DNAJB13: variants seen among roughly 807,000 people sequenced by gnomAD.
DNAJB13 encodes DnaJ heat shock protein family (Hsp40) member B13, also known as dnaJ homolog subfamily B member 13.
A neutral mutation model predicts 35.6 loss-of-function variants in DNAJB13; 22 were observed. The observed-to-expected ratio is 0.62, with a 90% CI of 0.44 to 0.88. The LOEUF is 0.88. Ranked by LOEUF, DNAJB13 falls within the 40% of genes least tolerant of loss-of-function variation. DNAJB13 has a pLI of 0.00. For synonymous variants in DNAJB13, 136 were observed against 144.2 expected, an observed-to-expected ratio of 0.94 and a Z score of 0.41; for missense variants, 370 against 384.3, an observed-to-expected ratio of 0.96 and a Z score of 0.31.
At position 73,966,131 on chromosome 11, in the gene DNAJB13, G is replaced by T. The variant is rs1478651373; in HGVS notation, c.493-7G>T. On this transcript the variant is annotated splice_region_variant and splice_polypyrimidine_tract_variant and intron_variant, in intron 4 of 7. Coordinates refer to ENST00000339764, the MANE Select transcript of DNAJB13 (RefSeq NM_153614.4). ...CAGACCTCCCCACACCTGATATGTT[G>T]CTATAGGTGCTGAACGAGGATGGGT... 3 of 1,610,126 alleles carry T rather than the reference G, an allele frequency of 1.9e-6. No homozygotes were observed. Among genetic ancestry groups the T allele is most frequent in the African/African-American group, 1.3e-5 (1 of 74,892 alleles).
intron 1 of DNAJB13, among the ~76,000 whole-genome samples, chr11:73,957,666 A>C (rs1214716418): frequency 6.6e-6 from 1 of 152,112 alleles, no homozygotes; most frequent in Non-Finnish European, 1.5e-5. Context: ...CAGGAACAGA[A>C]GTGGGGAAAA....
chr11:73,959,735 T>C, intron 3 of DNAJB13, 80 bp downstream of exon 3: 1 of 1,334,106 alleles, frequency 7.5e-7, no homozygotes. Context: ...GTAGTTTTGT[T>C]TTTATTTTTA....
rs768988362 is a variant in DNAJB13, at chr11:73,958,289, A to ATAC, written c.69-28_69-27insTAC. On this transcript the variant is annotated intron_variant, in intron 1 of 7. Coordinates refer to ENST00000339764, the MANE Select transcript of DNAJB13 (RefSeq NM_153614.4). ...GCCCTCAGAAACAGACCAGCTGATA[A>ATAC]GACTTGTATTAATTCTCCCTCTTCC... The ATAC allele has an allele frequency of 4.3e-6, 7 of 1,609,986 alleles. No individual in the cohort carries two copies. In the East Asian group the frequency reaches 1.6e-4, roughly 36 times the overall value.
At chr11:73,964,796 TGTGTGTGTGTGTGTGTGCGC>T in intron 3 of DNAJB13, 62 bp from the exon 4 acceptor site, 2 of 1,006,322 alleles carry the variant, frequency 2.0e-6, no homozygotes, top group Non-Finnish European at 1.5e-6. Context: ...TGTGTGTGTG[TGTGTGTGTGTGTGTGTGCGC>T]GCGCGCGCAT....
chr11:73,959,717 T>C lies in DNAJB13; in HGVS notation c.334+62T>C, dbSNP rs921589985. On this transcript the variant is annotated intron_variant, in intron 3 of 7. Transcript: ENST00000339764. ...AAAGGACACTGCTATAAGTGATGTT[T>C]TCGTTGAGTAGTTTTGTTTTTATTT... 4.9e-6 allele frequency: 7 copies of C among 1,423,530 alleles called. No homozygotes were observed. The Admixed American group carries it at 7.4e-5, about 15-fold the overall frequency. 88.2% of individuals were successfully genotyped at this position (1,423,530 alleles called of 1,614,324 possible).
chr11:73,957,371 G>T (rs1193143191), intron 1 of DNAJB13, among the ~76,000 whole-genome samples: 1 of 152,174 alleles, frequency 6.6e-6, no homozygotes, highest in Non-Finnish European at 1.5e-5. Flanking sequence ...ACTGCACTCC[G>T]CTGTCCCTGG....
chr11:73,964,629 A>C, intron 3 of DNAJB13: 2 of 462,580 alleles, frequency 4.3e-6, no homozygotes, highest in Non-Finnish European at 3.9e-6. Context: ...AGCAGTGGGA[A>C]ATGGCAAAGG....
intron 5 of DNAJB13, 101 bp from the exon 6 acceptor site, chr11:73,968,244 C>T: frequency 9.8e-7 from 1 of 1,018,648 alleles, no homozygotes; most frequent in Non-Finnish European, 1.5e-6. Flanking sequence ...CTCTCATCTC[C>T]CCATTGTACA....
intron 3 of DNAJB13, among the ~76,000 whole-genome samples, chr11:73,960,714 A>T (rs1286707609): frequency 2.0e-5 from 3 of 152,218 alleles, no homozygotes; most frequent in Non-Finnish European, 4.4e-5. Flanking sequence ...CCATGCTTGT[A>T]TGAGCTGTAT....
intron 5 of DNAJB13, among the ~76,000 whole-genome samples, chr11:73,967,331 TAAAA>T: frequency 6.6e-6 from 1 of 152,182 alleles, no homozygotes; most frequent in Non-Finnish European, 1.5e-5. Flanking sequence ...ACTATTTAAA[TAAAA>T]ACATAAATTT....
intron 1 of DNAJB13, among the ~76,000 whole-genome samples, chr11:73,956,284 G>A (rs1950738977): frequency 6.6e-6 from 1 of 152,194 alleles, no homozygotes; most frequent in Non-Finnish European, 1.5e-5. Flanking sequence ...TTTGGCACCT[G>A]AGTCGAAAGT....
chr11:73,967,516 A>G (rs569760910), intron 5 of DNAJB13, among the ~76,000 whole-genome samples: 148 of 152,220 alleles, frequency 9.7e-4, no homozygotes, highest in African/African-American at 3.4e-3. Flanking sequence ...AGGCCAAGGC[A>G]GGAGAATCAC....
chr11:73,958,540 C>A, intron 2 of DNAJB13, 120 bp downstream of exon 2: 1 of 931,628 alleles, frequency 1.1e-6, no homozygotes, highest in Non-Finnish European at 1.6e-6. Context: ...TGCCTAGAAT[C>A]TAGACACACA....
intron 2 of DNAJB13, 124 bp from the exon 3 acceptor site, chr11:73,959,370 C>G: frequency 9.2e-7 from 1 of 1,086,754 alleles, no homozygotes; most frequent in Non-Finnish European, 1.3e-6. Context: ...TGCCAGACAG[C>G]AGGCACTTTG....
intron 4 of DNAJB13, chr11:73,965,771 G>T (rs1408426081): frequency 4.9e-6 from 1 of 205,806 alleles, no homozygotes; most frequent in Admixed American, 5.2e-5. Context: ...TTTGGAGAGA[G>T]GAATGGAGTA....
intron 1 of DNAJB13, among the ~76,000 whole-genome samples, chr11:73,954,111 G>A (rs759892302): frequency 1.4e-5 from 2 of 147,538 alleles, no homozygotes; most frequent in African/African-American, 2.5e-5. Flanking sequence ...GACCACTTGA[G>A]GTCAGGAGTT....
chr11:73,961,197 C>CTGAGCCCAGGAGGTTGAGGCTGCAG (rs942706183), intron 3 of DNAJB13, among the ~76,000 whole-genome samples: 5 of 152,122 alleles, frequency 3.3e-5, no homozygotes, highest in African/African-American at 1.2e-4. Flanking sequence ...GGAGAATCGC[C>CTGAGCCCAGGAGGTTGAGGCTGCAG]TGAGCCCAGG....
At position 73,968,381 on chromosome 11, in the gene DNAJB13, G is replaced by C. The variant is rs142619992; in HGVS notation, c.643G>C (p.Val215Leu). Residue 215 changes from valine (V) to leucine (L), a missense_variant, in exon 6 of 8, where the codon GTA becomes CTA. Coordinates refer to ENST00000339764, the MANE Select transcript of DNAJB13 (RefSeq NM_153614.4). The part of the protein sequence containing the change: ...NIIPADIIFI[V>L]KEKLHPRFRR... ...CATCCCAGCAGACATCATTTTCATC[G>C]TAAAGGAGAAGCTACACCCTCGCTT... The C allele has an allele frequency of 3.7e-6, 6 of 1,614,110 alleles. No individual in the cohort carries two copies. Among genetic ancestry groups the C allele is most frequent in the Non-Finnish European group, 5.1e-6 (6 of 1,180,024 alleles).
At chr11:73,960,783 T>C (rs1950912601) in intron 3 of DNAJB13, among the ~76,000 whole-genome samples, 1 of 152,250 alleles carries the variant, frequency 6.6e-6, no homozygotes, top group Admixed American at 6.5e-5. Flanking sequence ...CAATGATTTT[T>C]TTTTTCACTT....
Sources: allele counts gnomAD v4.1 joint callset (sites outside exome capture counted in the v4.1 genomes callset), GRCh38; gene constraint gnomAD v4.1.1; transcripts MANE v1.5; gene names NCBI Gene and HGNC (gene_info 2026-07-23, HGNC 2026-07-21).